Variants in TTN observed in about 807,000 individuals in gnomAD.
The protein encoded by TTN is connectin.
In TTN, 1,525 loss-of-function variants were observed where a neutral mutation model predicts 3,223.0. The observed-to-expected ratio is 0.47, with a 90% confidence interval of 0.45 to 0.49. TTN has a LOEUF of 0.49. Among genes scored for constraint, TTN ranks in the 20% least tolerant of loss-of-function variants. The pLI is 0.00. For synonymous variants in TTN, 14,094 were observed against 15,161.0 expected, an observed-to-expected ratio of 0.93 and a Z score of 5.17; for missense variants, 40,786 against 43,424.0, an observed-to-expected ratio of 0.94 and a Z score of 5.40.
rs1391726501 is a variant in TTN, at chr2:178,599,154, T to C, written c.56639A>G (p.Asn18880Ser). 1.0e-5 allele frequency: 15 copies of C among 1,506,968 alleles called. No homozygotes were observed. The highest frequency in any genetic ancestry group is 1.4e-5 in the South Asian group (1 of 70,112). 93.3% of individuals were successfully genotyped at this position (1,506,968 alleles called of 1,614,324 possible). ...AATGTTCTCCTACTTACAGAAGAGGTTTCTTGCTGTTTCAGGTTCACTGTC... is the reference window on the plus strand; with the variant it reads ...AATGTTCTCCTACTTACAGAAGAGGCTTCTTGCTGTTTCAGGTTCACTGTC... ...PLDSEPETAR[N>S]LFSVPGAPDK... Residue 18880 changes from asparagine (N) to serine (S), a missense_variant, in exon 290 of 363, where the codon AAC becomes AGC. Asn to Ser is a conservative substitution (Grantham distance 46). Coordinates refer to ENST00000589042, the MANE Select transcript of TTN (RefSeq NM_001267550.2).
rs2090362633 is a variant in TTN at position 178,766,140 on chromosome 2, T to C, written c.9703+241A>G. On this transcript the variant is annotated intron_variant, in intron 41 of 362. Coordinates refer to ENST00000589042, the MANE Select transcript of TTN (RefSeq NM_001267550.2). ...TGGACACCCAATGGGTGTTCAATAG[T>C]TTTGAGCAACCAGATGAGGATCTGG... Among the ~76,000 whole-genome samples, 3 of 152,142 alleles carry C rather than the reference T, an allele frequency of 2.0e-5. 1 individual carries two copies. The South Asian group carries it at 6.2e-4, about 32-fold the overall frequency.
rs876658080 is a variant in TTN at position 178,573,900 on chromosome 2, T to C, written c.72232A>G (p.Ile24078Val). Residue 24078 changes from isoleucine to valine, a missense_variant, in exon 326 of 363, where the codon ATA (isoleucine) becomes GTA (valine). Coordinates refer to ENST00000589042, the MANE Select transcript of TTN (RefSeq NM_001267550.2). ...KELEGTAKLE[I>V]KIADFSTNLV... ...TTAGTAGAGAAATCTGCAATTTTTA[T>C]TTCTAACTTTGCTGTGCCTTCCAGC... 15 of 1,611,446 alleles carry C rather than the reference T, an allele frequency of 9.3e-6. No individual in the cohort carries two copies. Among genetic ancestry groups the C allele is most frequent in the Non-Finnish European group, 1.3e-5 (15 of 1,178,212 alleles).
intron 145 of TTN, 101 bp from the exon 146 acceptor site, chr2:178,678,018 C>T (rs1393305012): frequency 3.2e-6 from 5 of 1,553,784 alleles, no homozygotes; most frequent in Non-Finnish European, 4.3e-6. Context: ...GATCACAAAG[C>T]ATCAATTATT....
Position 178,574,178 on chromosome 2 carries a change from G to C in TTN, c.71954C>G (p.Thr23985Arg). The change falls in exon 326 of 363, where the codon ACA becomes AGA. Residue 23985 changes from threonine to arginine, a missense_variant. Coordinates refer to ENST00000589042, the MANE Select transcript of TTN (RefSeq NM_001267550.2). ...AGCATCTTCTGTTAGGCCACTGACT[G>C]TAAATTCATTCTCCAAAATGTTGCT... ...NFSNILENEF[T>R]VSGLTEDAAY... The C allele has an allele frequency of 6.2e-7, 1 of 1,613,560 alleles. No individual in the cohort carries two copies. The highest frequency in any genetic ancestry group is 8.5e-7 in the Non-Finnish European group (1 of 1,179,650).
chr2:178,747,006 T>A (rs1339983680), intron 47 of TTN: 1 of 1,613,440 alleles, frequency 6.2e-7, no homozygotes, highest in Non-Finnish European at 8.5e-7. Context: ...GATGGATATG[T>A]TTTAAAAGTA....
intron 129 of TTN, 107 bp downstream of exon 129, chr2:178,685,146 G>A (rs2070513043): frequency 7.5e-6 from 9 of 1,198,630 alleles, no homozygotes; most frequent in Admixed American, 4.9e-5. Context: ...CTGACAAAAC[G>A]TAGACAGTTA....
chr2:178,545,368 G>A lies in TTN; in HGVS notation c.95722+20C>T, dbSNP rs751527792. 2 of 1,526,896 alleles carry A rather than the reference G, an allele frequency of 1.3e-6. No homozygotes were observed. The highest frequency in any genetic ancestry group is 2.3e-5 in the East Asian group (1 of 43,814). The allele number at this position is 1,526,896 out of a possible 1,614,324, so 94.6% of individuals were successfully genotyped here. ...TAGTTTTGAGGAGCATTGTATTTAT[G>A]TATGATTCTTGGAGCTCACATGATG... On this transcript the variant is annotated intron_variant, in intron 344 of 362. Coordinates refer to ENST00000589042, the MANE Select transcript of TTN (RefSeq NM_001267550.2).
chr2:178,713,964 C>A lies in TTN; in HGVS notation c.26694G>T (p.Gly8898=), dbSNP rs199525540. 1,155 of 1,613,576 alleles carry A rather than the reference C, an allele frequency of 7.2e-4. 1 individual carries two copies. The highest frequency in any genetic ancestry group is 1.3e-3 in the South Asian group (122 of 91,048). ...GGTTCTGCACCTCAAAACTGTATAC[C>A]CCACTGTCACTCGGTGCTACATTGA... ...KIINVAPSDS[G]VYSFEVQNPV... is the part of the protein sequence containing the mutation. The change falls in exon 92 of 363, where the codon GGG becomes GGT. Residue 8898 remains glycine (G), a synonymous_variant. Transcript: ENST00000589042.
At position 178,663,460 on chromosome 2, in the gene TTN, T is replaced by G. The variant is rs2065142077; in HGVS notation, c.36589A>C (p.Lys12197Gln). 6.2e-7 allele frequency: 1 copy of G among 1,611,994 alleles called. No individual in the cohort carries two copies. The highest frequency in any genetic ancestry group is 1.1e-5 in the South Asian group (1 of 91,000). Residue 12197 changes from lysine (K) to glutamine (Q), a missense_variant, in exon 172 of 363, where the codon AAA becomes CAA. Physicochemically the swap from Lys to Gln is moderately conservative, Grantham distance 53 (BLOSUM62 1). Coordinates refer to ENST00000589042, the MANE Select transcript of TTN (RefSeq NM_001267550.2). ...TTTGTGGGTGGCACTTCAGGCTTTTTAGGAGGAGGCACTGGCACTTTCTTT... is the reference window on the plus strand; with the variant it reads ...TTTGTGGGTGGCACTTCAGGCTTTTGAGGAGGAGGCACTGGCACTTTCTTT... Reference protein sequence around the residue: ...PEKKVPVPPPKKPEVPPTKVP... With the variant: ...PEKKVPVPPPQKPEVPPTKVP...
chr2:178,626,369 G>C (rs2059057107), intron 240 of TTN, among the ~76,000 whole-genome samples: 1 of 151,864 alleles, frequency 6.6e-6, no homozygotes, highest in East Asian at 1.9e-4. Flanking sequence ...GACAGATAGG[G>C]GTCATTCTGA....
rs754867693 is a variant in TTN at position 178,702,247 on chromosome 2, T to C, written c.30434-2A>G. On this transcript the variant is annotated splice_acceptor_variant, in intron 107 of 362. Coordinates refer to ENST00000589042, the MANE Select transcript of TTN (RefSeq NM_001267550.2). LOFTEE classifies it high-confidence loss of function. ...GCCGAGCGATGACCGAGTAGACACC[T>C]AGGGTGAAAAATCATCCAACTTTTG... 6.2e-7 allele frequency: 1 copy of C among 1,613,934 alleles called. No homozygotes were observed. The highest frequency in any genetic ancestry group is 8.5e-7 in the Non-Finnish European group (1 of 1,179,880).
rs2154341582 is a variant in TTN, at chr2:178,768,120, T to C, written c.9199A>G (p.Ile3067Val). 1 of 1,614,118 alleles carries C rather than the reference T, an allele frequency of 6.2e-7. No homozygotes were observed. Among genetic ancestry groups the C allele is most frequent in the East Asian group, 2.2e-5 (1 of 44,830 alleles). ...GCTCGCTTCTTCTCCAGTACCTTAA[T>C]GTCCTTAATGTGTTTCCTAAATTCT... ...HIEFRKHIKD[I>V]KVLEKKRAMF... The change falls in exon 39 of 363, where the codon ATT becomes GTT. Residue 3067 changes from isoleucine to valine, a missense_variant. By Grantham distance (29) the Ile-to-Val change is conservative. Coordinates refer to ENST00000589042, the MANE Select transcript of TTN (RefSeq NM_001267550.2).
At chr2:178,650,406 T>TA in intron 209 of TTN, 135 bp from the exon 210 acceptor site, 1 of 932,538 alleles carries the variant, frequency 1.1e-6, no homozygotes, top group Admixed American at 3.0e-5. Context: ...TTTGTTTAGA[T>TA]AAAATCTATC....
In TTN at chr2:178,635,296, C is replaced by A. The variant is rs1311645939; in HGVS notation, c.41893G>T (p.Val13965Phe). ...TCCTCTATTGGTTTAAGCAGTTCAACTTCACGCTCTGTATTGGTCAGGGAT... is the reference window on the plus strand; with the variant it reads ...TCCTCTATTGGTTTAAGCAGTTCAAATTCACGCTCTGTATTGGTCAGGGAT... ...PAKLTLGERE[V>F]ELLKPIEDVT... Residue 13965 changes from valine (V) to phenylalanine (F), a missense_variant, in exon 228 of 363, where the codon GTT (valine) becomes TTT (phenylalanine). Transcript: ENST00000589042. The A allele has an allele frequency of 6.2e-7, 1 of 1,613,168 alleles. No individual in the cohort carries two copies. The highest frequency in any genetic ancestry group is 1.7e-5 in the Admixed American group (1 of 59,988).
Position 178,534,340 on chromosome 2 carries a change from C to T in TTN, c.102275G>A (p.Arg34092His), listed in dbSNP as rs757918924. Reference protein sequence around the residue: ...TKVIRTLKHRRYYHTLIKKDL... With the variant: ...TKVIRTLKHRHYYHTLIKKDL... ...TTTCTTGATCAGGGTGTGGTAATAA[C>T]GCCGGTGTTTTAATGTTCTGATAAC... Residue 34092 changes from arginine (R) to histidine (H), a missense_variant, in exon 358 of 363, where the codon CGT becomes CAT. Physicochemically the swap from Arg to His is conservative, Grantham distance 29. Coordinates refer to ENST00000589042, the MANE Select transcript of TTN (RefSeq NM_001267550.2). 9.4e-5 allele frequency: 151 copies of T among 1,612,626 alleles called. No homozygotes were observed. Among genetic ancestry groups the T allele is most frequent in the Non-Finnish European group, 1.2e-4 (140 of 1,179,830 alleles).
Position 178,732,192 on chromosome 2 carries a change from A to C in TTN, c.16777T>G (p.Ser5593Ala). ...EIKESSKHRM[S>A]FVESTAVLRL... The stretch of plus-strand genomic sequence containing the variant: ...AGAACTGCAGTAGACTCCACAAAAG[A>C]CATTCTGTGTTTGCTGCTCTCCTTA... Residue 5593 changes from serine (S) to alanine (A), a missense_variant, in exon 57 of 363, where the codon TCT becomes GCT. Ser to Ala is a moderately conservative substitution (Grantham distance 99). Transcript: ENST00000589042. 2 of 1,613,822 alleles carry C rather than the reference A, an allele frequency of 1.2e-6. No homozygotes were observed. Among genetic ancestry groups the C allele is most frequent in the African/African-American group, 1.3e-5 (1 of 75,040 alleles).
At chr2:178,769,489 C>T (rs995297355) in intron 37 of TTN, among the ~76,000 whole-genome samples, 190 bp downstream of exon 37, 3 of 151,802 alleles carry the variant, frequency 2.0e-5, no homozygotes, top group African/African-American at 7.3e-5. Context: ...GTCTCAAAAT[C>T]TTGATCTCAA....
intron 10 of TTN, 30 bp downstream of exon 10, chr2:178,792,042 A>G (rs2093533681): frequency 1.9e-6 from 3 of 1,608,034 alleles, no homozygotes; most frequent in African/African-American, 2.7e-5. Context: ...TTGTCAACAA[A>G]CTACAAAATA....
At position 178,678,802 on chromosome 2, in the gene TTN, T is replaced by C; in HGVS notation, c.33771A>G (p.Pro11257=). 1 of 1,603,134 alleles carries C rather than the reference T, an allele frequency of 6.2e-7. No homozygotes were observed. Among genetic ancestry groups the C allele is most frequent in the Non-Finnish European group, 8.5e-7 (1 of 1,176,392 alleles). The change falls in exon 143 of 363, where the codon CCA becomes CCG. Residue 11257 remains proline (P), a synonymous_variant. Transcript: ENST00000589042. ...KVPEVPKKPV[P]EEKVPVPVPK... is the part of the protein sequence containing the mutation. Reference sequence around the variant, plus strand: ...GAACTGGTACTGGTACTTTCTCCTCTGGCACAGGTTTCTTGGGCACTTCAG... The same window carrying C: ...GAACTGGTACTGGTACTTTCTCCTCCGGCACAGGTTTCTTGGGCACTTCAG...
Sources: gnomAD v4.1 joint callset for allele counts (sites outside exome capture counted in the v4.1 genomes callset) on GRCh38, gnomAD v4.1.1 for gene constraint, MANE v1.5 for transcripts, NCBI Gene and HGNC (gene_info 2026-07-23, HGNC 2026-07-21) for gene names.